Variants in AKAP12 observed in about 807,000 individuals in gnomAD.
The protein encoded by AKAP12 is A-kinase anchor protein 12.
AKAP12 carries 32 observed loss-of-function variants against 79.9 expected under a neutral mutation model. That is an observed-to-expected ratio of 0.40 (90% CI 0.30 to 0.54). AKAP12 has a LOEUF of 0.54. Ranked by LOEUF, AKAP12 falls within the 20% of genes least tolerant of loss-of-function variation. The probability of loss-of-function intolerance (pLI) is 0.48; values close to 1 mark genes in which losing one functional copy is unlikely to be tolerated. For synonymous variants in AKAP12, 808 were observed against 857.0 expected, an observed-to-expected ratio of 0.94 and a Z score of 1.00; for missense variants, 2,074 against 2,177.0, an observed-to-expected ratio of 0.95 and a Z score of 0.94.
intron 2 of AKAP12, among the ~76,000 whole-genome samples, chr6:151,257,061 G>A (rs1421483371): frequency 6.6e-6 from 1 of 151,560 alleles, no homozygotes; most frequent in African/African-American, 2.4e-5. Flanking sequence ...AAATAATTTC[G>A]CTTTTATTTT....
chr6:151,240,628 G>T lies in AKAP12; in HGVS notation c.66G>T (p.Pro22=), dbSNP rs913859427. ...PEQPPEGSST[P]AEPEPSGGGP... Reference sequence around the variant, plus strand: ...AGCCGCCCGAGGGGAGCTCCACGCCGGCTGAGCCCGAGCCCAGCGGCGGCG... The same window carrying T: ...AGCCGCCCGAGGGGAGCTCCACGCCTGCTGAGCCCGAGCCCAGCGGCGGCG... Residue 22 remains proline (P), a synonymous_variant, in exon 2 of 5, where the codon CCG becomes CCT. Transcript: ENST00000402676. 7.3e-7 allele frequency: 1 copy of T among 1,376,182 alleles called. No homozygotes were observed. Among genetic ancestry groups the T allele is most frequent in the African/African-American group, 1.5e-5 (1 of 65,884 alleles). 85.2% of individuals were successfully genotyped at this position (1,376,182 alleles called of 1,614,324 possible).
intron 3 of AKAP12, among the ~76,000 whole-genome samples, chr6:151,336,171 A>T (rs1039708351): frequency 2.0e-5 from 3 of 152,154 alleles, no homozygotes; most frequent in Admixed American, 2.0e-4. Context: ...TCAAACTTTG[A>T]TGGACACTTG....
At chr6:151,329,539 A>G (rs1173571631) in intron 3 of AKAP12, among the ~76,000 whole-genome samples, 1 of 152,246 alleles carries the variant, frequency 6.6e-6, no homozygotes, top group African/African-American at 2.4e-5. Context: ...TAAAGTAGAA[A>G]CTGGGGAAGA....
At chr6:151,303,917 T>C (rs1370854021) in intron 2 of AKAP12, among the ~76,000 whole-genome samples, 8 of 152,026 alleles carry the variant, frequency 5.3e-5, no homozygotes, top group Admixed American at 3.9e-4. Context: ...ACGCTGGAAA[T>C]AGTTGGTGGC....
chr6:151,321,252 G>A (rs1221491452), intron 3 of AKAP12, among the ~76,000 whole-genome samples: 1 of 152,134 alleles, frequency 6.6e-6, no homozygotes, highest in East Asian at 1.9e-4. Flanking sequence ...CTCCCAAAGT[G>A]TTGGGATTAT....
At chr6:151,332,462 T>C (rs1036086103) in intron 3 of AKAP12, among the ~76,000 whole-genome samples, 10 of 152,218 alleles carry the variant, frequency 6.6e-5, no homozygotes, top group African/African-American at 2.4e-4. Flanking sequence ...TTCCAAGTAA[T>C]GTTTTCAGCA....
intron 3 of AKAP12, among the ~76,000 whole-genome samples, chr6:151,321,129 G>C (rs1268158802): frequency 6.6e-6 from 1 of 152,068 alleles, no homozygotes; most frequent in Non-Finnish European, 1.5e-5. Flanking sequence ...TGGGATTACA[G>C]GCGTGCGCCA....
At chr6:151,345,928 T>TGAGAGA (rs1235285184) in intron 3 of AKAP12, among the ~76,000 whole-genome samples, 2 of 110,808 alleles carry the variant, frequency 1.8e-5, no homozygotes, top group African/African-American at 6.4e-5. Context: ...TGTGTGTGTG[T>TGAGAGA]GTGTGAGAGA....
At chr6:151,294,137 C>A (rs1307372348) in intron 2 of AKAP12, among the ~76,000 whole-genome samples, 1 of 152,066 alleles carries the variant, frequency 6.6e-6, no homozygotes. Context: ...CCATGCCCAG[C>A]TAATTTTTGT....
chr6:151,345,599 C>T (rs962555777), intron 3 of AKAP12, among the ~76,000 whole-genome samples: 2 of 150,396 alleles, frequency 1.3e-5, no homozygotes, highest in Non-Finnish European at 3.0e-5. Context: ...GTTCTCGAGA[C>T]CAGCCTGGCC....
chr6:151,331,305 TTTG>T (rs1777658843), intron 3 of AKAP12, among the ~76,000 whole-genome samples: 1 of 152,136 alleles, frequency 6.6e-6, no homozygotes, highest in Non-Finnish European at 1.5e-5. Flanking sequence ...AAGCACCTAG[TTTG>T]TTATTATTGA....
At chr6:151,305,030 G>A (rs1019201306) in intron 2 of AKAP12, among the ~76,000 whole-genome samples, 1 of 152,214 alleles carries the variant, frequency 6.6e-6, no homozygotes, top group Non-Finnish European at 1.5e-5. Context: ...GGGAGCACTG[G>A]CCTTCGCGCC....
At position 151,240,440 on chromosome 6, in the gene AKAP12, T is replaced by C. The variant is rs556571445; in HGVS notation, c.-123T>C. 68 of 1,099,998 alleles carry C rather than the reference T, an allele frequency of 6.2e-5. No homozygotes were observed. In the South Asian group the frequency reaches 2.0e-3, roughly 33 times the overall value. 68.1% of individuals were successfully genotyped at this position (1,099,998 alleles called of 1,614,324 possible). A position where few individuals can be genotyped will look rare whatever the true frequency, so the allele number is the denominator to read the frequency against. On this transcript the variant is annotated 5_prime_UTR_variant, in exon 2 of 5. Coordinates refer to ENST00000402676, the MANE Select transcript of AKAP12 (RefSeq NM_005100.4). The stretch of plus-strand genomic sequence containing the variant: ...CAGGCTGGGCGCGTTCGCAGTCGGC[T>C]GGCGGCGAAGGAAGGCGCTCTCGGG...
Position 151,352,918 on chromosome 6 carries a change from G to C in AKAP12, c.4527G>C (p.Lys1509Asn), listed in dbSNP as rs763857948. ...AAGGAGAGAAAACCACATCACTGAA[G>C]TGGAAGTCAGATGAAGTCGATGAGC... is the stretch of plus-strand genomic sequence containing the variant. ...DLEGEKTTSLKWKSDEVDEQV... is the reference protein window; with the variant it reads ...DLEGEKTTSLNWKSDEVDEQV... Residue 1509 changes from lysine (K) to asparagine (N), a missense_variant, in exon 4 of 5, where the codon AAG becomes AAC. By Grantham distance (94) the Lys-to-Asn change is moderately conservative. Transcript: ENST00000402676. 1 of 1,614,208 alleles carries C rather than the reference G, an allele frequency of 6.2e-7. No homozygotes were observed. The highest frequency in any genetic ancestry group is 2.2e-5 in the East Asian group (1 of 44,886).
In AKAP12 at chr6:151,348,823, A is replaced by G. The variant is rs776795538; in HGVS notation, c.432A>G (p.Glu144=). The part of the protein sequence containing the change: ...ITDDGQEETP[E]IIEQIPSSES... ...ATGATGGGCAGGAGGAGACACCCGA[A>G]ATAATCGAACAGATTCCTTCTTCAG... The change falls in exon 4 of 5, where the codon GAA becomes GAG. Residue 144 remains glutamate (E), a synonymous_variant. Coordinates refer to ENST00000402676, the MANE Select transcript of AKAP12 (RefSeq NM_005100.4). 7.4e-6 allele frequency: 12 copies of G among 1,614,038 alleles called. No homozygotes were observed. The highest frequency in any genetic ancestry group is 6.8e-6 in the Non-Finnish European group (8 of 1,180,036).
chr6:151,251,072 G>T (rs1797164539), intron 2 of AKAP12, among the ~76,000 whole-genome samples: 1 of 152,148 alleles, frequency 6.6e-6, no homozygotes, highest in South Asian at 2.1e-4. Flanking sequence ...GGTAATAGAA[G>T]AATTGCCATT....
chr6:151,325,764 G>A, intron 3 of AKAP12: 1 of 1,603,690 alleles, frequency 6.2e-7, no homozygotes, highest in Non-Finnish European at 8.5e-7. Flanking sequence ...TGATCCCGCC[G>A]AAACCACCTG....
At position 151,353,134 on chromosome 6, in the gene AKAP12, C is replaced by T. The variant is rs374182415; in HGVS notation, c.4743C>T (p.His1581=). ...CGTCTGAGTTACAGACACAAGCTCA[C>T]GTGATAAAAGCTGACAGCCAGGACG... ...MLTSELQTQA[H]VIKADSQDAG... is the part of the protein sequence containing the mutation. The change falls in exon 4 of 5, where the codon CAC becomes CAT. Residue 1581 remains histidine (H), a synonymous_variant. Coordinates refer to ENST00000402676, the MANE Select transcript of AKAP12 (RefSeq NM_005100.4). 14 of 1,614,002 alleles carry T rather than the reference C, an allele frequency of 8.7e-6. No individual in the cohort carries two copies. The highest frequency in any genetic ancestry group is 8.0e-5 in the African/African-American group (6 of 74,910).
chr6:151,287,617 G>T (rs973326631), intron 2 of AKAP12, among the ~76,000 whole-genome samples: 1 of 152,144 alleles, frequency 6.6e-6, no homozygotes, highest in East Asian at 1.9e-4. Flanking sequence ...ACCGTTGGTC[G>T]GAGTATAAAT....
Sources: allele counts gnomAD v4.1 joint callset (sites outside exome capture counted in the v4.1 genomes callset), GRCh38; gene constraint gnomAD v4.1.1; transcripts MANE v1.5; gene names NCBI Gene and HGNC (gene_info 2026-07-23, HGNC 2026-07-21).